The following CEMIP variants were observed in gnomAD, a reference collection of about 807,000 sequenced individuals.
CEMIP encodes cell migration inducing hyaluronidase 1.
A neutral mutation model predicts 156.9 loss-of-function variants in CEMIP; 105 were observed. The observed-to-expected ratio is 0.67, with a 90% confidence interval of 0.57 to 0.79. The LOEUF is 0.79. Among genes scored for constraint, CEMIP ranks in the 30% least tolerant of loss-of-function variants. The pLI, the probability that CEMIP is intolerant of heterozygous loss-of-function variation, is 0.00. For missense variants in CEMIP, 1,457 were observed against 1,769.4 expected, an observed-to-expected ratio of 0.82 and a Z score of 3.17; for synonymous variants, 676 against 668.4, an observed-to-expected ratio of 1.01 and a Z score of -0.17.
chr15:80,948,966 G>T lies in CEMIP; in HGVS notation c.*42G>T. On this transcript the variant is annotated 3_prime_UTR_variant, in exon 30 of 30. Transcript: ENST00000394685. Reference sequence around the variant, plus strand: ...GTGCCACCTCGTGGTAGACTATGACGGTGACTCTTGGCAGCAGACCAGTGG... The same window carrying T: ...GTGCCACCTCGTGGTAGACTATGACTGTGACTCTTGGCAGCAGACCAGTGG... The T allele has an allele frequency of 1.2e-6, 2 of 1,613,088 alleles. No homozygotes were observed. Among genetic ancestry groups the T allele is most frequent in the Non-Finnish European group, 1.7e-6 (2 of 1,179,392 alleles).
chr15:80,945,897 T>C lies in CEMIP; in HGVS notation c.3858-1068T>C, dbSNP rs189708022. On this transcript the variant is annotated intron_variant, in intron 28 of 29. Coordinates refer to ENST00000394685, the MANE Select transcript of CEMIP (RefSeq NM_001293298.2). ...ACTGAATACACCCCGAGGCAGGGGATAGACACTCCTTATTCCCAAGTCGAA... is the reference window on the plus strand; with the variant it reads ...ACTGAATACACCCCGAGGCAGGGGACAGACACTCCTTATTCCCAAGTCGAA... Among the ~76,000 whole-genome samples the C allele has an allele frequency of 3.2e-3, 485 of 152,374 alleles. 16 individuals carry two copies. Among genetic ancestry groups the C allele is most frequent in the Admixed American group, 0.03 (461 of 15,310 alleles).
intron 1 of CEMIP, among the ~76,000 whole-genome samples, chr15:80,784,603 T>C (rs534140726): frequency 6.6e-6 from 1 of 152,242 alleles, no homozygotes; most frequent in Non-Finnish European, 1.5e-5. Context: ...TTACTGTGAC[T>C]GTACTCCTTG....
intron 14 of CEMIP, among the ~76,000 whole-genome samples, chr15:80,911,700 A>G (rs911363169): frequency 6.6e-6 from 1 of 152,216 alleles, no homozygotes; most frequent in African/African-American, 2.4e-5. Flanking sequence ...TCAGTTAGAA[A>G]ATGCCTGTGA....
At chr15:80,806,961 G>A (rs148508162) in intron 1 of CEMIP, among the ~76,000 whole-genome samples, 83 of 152,288 alleles carry the variant, frequency 5.5e-4, no homozygotes, top group Admixed American at 1.6e-3. Context: ...GTTCTGCTGC[G>A]TTTAAGATAG....
chr15:80,889,865 A>G (rs1898977103), intron 10 of CEMIP, among the ~76,000 whole-genome samples: 1 of 152,186 alleles, frequency 6.6e-6, no homozygotes, highest in South Asian at 2.1e-4. Context: ...CCCCCACCAC[A>G]GGGATGGGTT....
chr15:80,795,617 ATCT>A (rs1413482298), intron 1 of CEMIP, among the ~76,000 whole-genome samples: 1 of 152,200 alleles, frequency 6.6e-6, no homozygotes, highest in Non-Finnish European at 1.5e-5. Flanking sequence ...GAAACCTTGC[ATCT>A]TTTCAACAGG....
intron 12 of CEMIP, among the ~76,000 whole-genome samples, chr15:80,905,056 C>A (rs1017465460): frequency 5.9e-5 from 9 of 152,144 alleles, no homozygotes; most frequent in African/African-American, 2.2e-4. Context: ...AGGATATGCG[C>A]AGGGTGAAGG....
chr15:80,888,656 T>G, intron 8 of CEMIP, 45 bp from the exon 9 acceptor site: 1 of 1,563,360 alleles, frequency 6.4e-7, no homozygotes, highest in Non-Finnish European at 8.8e-7. Flanking sequence ...ACTTTTTGAA[T>G]TTGGGGGTCT....
At chr15:80,926,819 T>TG (rs573787196) in intron 19 of CEMIP, among the ~76,000 whole-genome samples, 3,765 of 23,200 alleles carry the variant, frequency 0.16, 260 homozygotes, top group African/African-American at 0.25. Context: ...ACTGAGCGGG[T>TG]GGGGGGGGGG....
Position 80,929,088 on chromosome 15 carries a change from T to C in CEMIP, c.2526T>C (p.Ser842=), listed in dbSNP as rs761058974. 6.2e-7 allele frequency: 1 copy of C among 1,613,902 alleles called. No individual in the cohort carries two copies. Among genetic ancestry groups the C allele is most frequent in the African/African-American group, 1.3e-5 (1 of 74,858 alleles). Residue 842 remains serine (S), a synonymous_variant, in exon 21 of 30, where the codon AGT becomes AGC. Transcript: ENST00000394685. Reference sequence around the variant, plus strand: ...AGAACAGCTTGTTTGTTGGCGAGAGTGGCAACGTGGGGACGGAAATGATGG... The same window carrying C: ...AGAACAGCTTGTTTGTTGGCGAGAGCGGCAACGTGGGGACGGAAATGATGG... ...EIKNSLFVGE[S]GNVGTEMMDN...
intron 1 of CEMIP, among the ~76,000 whole-genome samples, chr15:80,810,520 A>C (rs1896638750): frequency 6.6e-6 from 1 of 152,070 alleles, no homozygotes; most frequent in Non-Finnish European, 1.5e-5. Flanking sequence ...GGCGCCCTCC[A>C]CTGCGGCCAG....
rs375136109 is a variant in CEMIP, at chr15:80,881,102, G to A, written c.583G>A (p.Asp195Asn). The change falls in exon 6 of 30, where the codon GAC becomes AAC. Residue 195 changes from aspartate to asparagine, a missense_variant. This residue lies in a region of CEMIP where 309 missense variants were observed against 340.8 expected (regional missense o/e 0.91). Transcript: ENST00000394685. ...CCGTGGAGTTATTGTTCATGTCATCGACCCCAAATCAGGCACAGTCATCCA... is the reference window on the plus strand; with the variant it reads ...CCGTGGAGTTATTGTTCATGTCATCAACCCCAAATCAGGCACAGTCATCCA... ...GHRGVIVHVI[D>N]PKSGTVIHSD... 9.3e-6 allele frequency: 15 copies of A among 1,614,024 alleles called. No individual in the cohort carries two copies. Among genetic ancestry groups the A allele is most frequent in the South Asian group, 4.4e-5 (4 of 91,066 alleles).
At chr15:80,930,031 C>G (rs1387875330) in intron 21 of CEMIP, among the ~76,000 whole-genome samples, 22 of 152,226 alleles carry the variant, frequency 1.4e-4, no homozygotes, top group Non-Finnish European at 3.2e-4. Context: ...GAGCAAGGCT[C>G]TGAGCCTGTG....
chr15:80,933,487 C>A, intron 23 of CEMIP, 27 bp downstream of exon 23: 2 of 1,575,856 alleles, frequency 1.3e-6, no homozygotes, highest in Non-Finnish European at 1.7e-6. Context: ...GGGGGCCGGC[C>A]ACTCACTTAT....
intron 1 of CEMIP, among the ~76,000 whole-genome samples, chr15:80,824,761 C>A (rs1357405126): frequency 6.6e-6 from 1 of 152,202 alleles, no homozygotes; most frequent in Non-Finnish European, 1.5e-5. Context: ...AGGAAAGGCT[C>A]ATTGTCTCTT....
At chr15:80,946,110 G>A (rs993512287) in intron 28 of CEMIP, among the ~76,000 whole-genome samples, 6 of 152,202 alleles carry the variant, frequency 3.9e-5, no homozygotes, top group Admixed American at 3.9e-4. Context: ...GAACGTAAGA[G>A]GTCAATCTGA....
chr15:80,883,738 T>C (rs908776253), intron 6 of CEMIP, among the ~76,000 whole-genome samples: 1 of 152,186 alleles, frequency 6.6e-6, no homozygotes, highest in African/African-American at 2.4e-5. Flanking sequence ...CTGGGATTGG[T>C]GTTTTACTCG....
chr15:80,795,982 C>G (rs540790140), intron 1 of CEMIP, among the ~76,000 whole-genome samples: 24 of 152,240 alleles, frequency 1.6e-4, no homozygotes, highest in African/African-American at 5.8e-4. Flanking sequence ...ACAAAATTAC[C>G]TCTGATTCAT....
intron 29 of CEMIP, chr15:80,948,281 T>G: frequency 4.8e-6 from 1 of 207,602 alleles, no homozygotes; most frequent in South Asian, 9.2e-5. Context: ...TTTCAGGGGT[T>G]TAGAGTTCTA....
Sources: gnomAD v4.1 joint callset for allele counts (sites outside exome capture counted in the v4.1 genomes callset) on GRCh38, gnomAD v4.1.1 for gene constraint, gnomAD v4.1.1 regional missense constraint, MANE v1.5 for transcripts, NCBI Gene and HGNC (gene_info 2026-07-23, HGNC 2026-07-21) for gene names.